The following ZNF385D variants were observed in gnomAD, a reference collection of about 807,000 sequenced individuals.
ZNF385D encodes the protein zinc finger protein 659.
ZNF385D carries 15 observed loss-of-function variants against 35.8 expected under a neutral mutation model. The observed-to-expected ratio is 0.42, with a 90% confidence interval of 0.28 to 0.64. The LOEUF is 0.64. Among genes scored for constraint, ZNF385D ranks in the 30% least tolerant of loss-of-function variants. The pLI is 0.23. For missense variants in ZNF385D, 474 were observed against 494.6 expected (o/e 0.96, Z 0.39); for synonymous variants, 212 against 186.8 (o/e 1.13, Z -1.10).
intron 2 of ZNF385D, among the ~76,000 whole-genome samples, chr3:21,625,814 T>A (rs2065119903): frequency 6.6e-6 from 1 of 152,116 alleles, no homozygotes; most frequent in Non-Finnish European, 1.5e-5. Context: ...ATCTACCACA[T>A]CAGACAAAAA....
intron 2 of ZNF385D, among the ~76,000 whole-genome samples, chr3:21,611,269 C>T (rs1407012917): frequency 1.3e-5 from 2 of 152,196 alleles, no homozygotes; most frequent in African/African-American, 4.8e-5. Context: ...CTGTCTGCCA[C>T]AGAGATATGT....
chr3:22,222,014 T>A (rs1698286375), intron 2 of ZNF385D, among the ~76,000 whole-genome samples: 1 of 151,986 alleles, frequency 6.6e-6, no homozygotes, highest in Non-Finnish European at 1.5e-5. Flanking sequence ...TCTCATTCCA[T>A]CGTCCAGGCT....
chr3:21,678,397 T>C (rs17009275), intron 1 of ZNF385D, among the ~76,000 whole-genome samples: 6,527 of 152,186 alleles, frequency 0.043, 189 homozygotes, highest in South Asian at 0.098. Flanking sequence ...CCAATGTGAC[T>C]GAATGCCTTG....
intron 3 of ZNF385D, among the ~76,000 whole-genome samples, chr3:22,146,011 G>A (rs561931787): frequency 1.3e-5 from 2 of 152,238 alleles, no homozygotes; most frequent in African/African-American, 4.8e-5. Context: ...AGTGAAAGAT[G>A]AGTGAAACAG....
intron 2 of ZNF385D, among the ~76,000 whole-genome samples, chr3:21,574,592 A>C (rs2125686694): frequency 6.6e-6 from 1 of 152,238 alleles, no homozygotes; most frequent in African/African-American, 2.4e-5. Context: ...GCTTCGAAAA[A>C]TCATTATCAT....
At chr3:21,543,313 C>G (rs1475530847) in intron 3 of ZNF385D, among the ~76,000 whole-genome samples, 1 of 152,192 alleles carries the variant, frequency 6.6e-6, no homozygotes. Context: ...GGGACTATCT[C>G]GGAAAACCGC....
Position 21,415,143 on chromosome 3 carries a change from C to T in ZNF385D, c.*6071G>A, listed in dbSNP as rs9815329. The T allele has an allele frequency of 1.3e-5, 2 of 151,906 alleles. No individual in the cohort carries two copies. Among genetic ancestry groups the T allele is most frequent in the African/African-American group, 4.8e-5 (2 of 41,368 alleles). The allele number at this position is 151,906 out of a possible 1,614,324, so 9.4% of individuals were successfully genotyped here. ...TGTTTCTCAATAGATTTATGTTGAACAATCCTATTAGTGAGAGACTTTAAA... is the reference window on the plus strand; with the variant it reads ...TGTTTCTCAATAGATTTATGTTGAATAATCCTATTAGTGAGAGACTTTAAA... On this transcript the variant is annotated 3_prime_UTR_variant, in exon 8 of 8. Coordinates refer to ENST00000281523, the MANE Select transcript of ZNF385D (RefSeq NM_024697.3).
chr3:21,941,490 CTTTTTT>C (rs531693623), intron 3 of ZNF385D, among the ~76,000 whole-genome samples: 17 of 63,622 alleles, frequency 2.7e-4, no homozygotes, highest in African/African-American at 6.1e-4. Flanking sequence ...TTCCATTACT[CTTTTTT>C]TTTTTTTTTT....
intron 2 of ZNF385D, among the ~76,000 whole-genome samples, chr3:22,328,268 T>A (rs550550367): frequency 6.6e-6 from 1 of 152,246 alleles, no homozygotes; most frequent in South Asian, 2.1e-4. Flanking sequence ...AGTCCTTTTT[T>A]TCTCCCCTTC....
rs150725154 is a variant in ZNF385D, at chr3:22,019,982, G to A, written c.325+148835C>T. ...ATAATGAAAAAAACAAGATAACTTCGTGTAATAAAATGACTGCATAAATGC... is the reference window on the plus strand; with the variant it reads ...ATAATGAAAAAAACAAGATAACTTCATGTAATAAAATGACTGCATAAATGC... On this transcript the variant is annotated intron_variant, in intron 3 of 5. Transcript: ENST00000494108. Among the ~76,000 whole-genome samples the A allele has an allele frequency of 5.6e-3, 847 of 151,704 alleles. 9 individuals carry two copies. Among genetic ancestry groups the A allele is most frequent in the African/African-American group, 0.019 (775 of 41,430 alleles).
At chr3:21,846,138 G>A (rs1296047229) in intron 3 of ZNF385D, among the ~76,000 whole-genome samples, 1 of 152,038 alleles carries the variant, frequency 6.6e-6, no homozygotes, top group East Asian at 1.9e-4. Flanking sequence ...AGTCTTTGCT[G>A]TGGAAAGATG....
chr3:22,175,409 T>C (rs1047425838), intron 2 of ZNF385D, among the ~76,000 whole-genome samples: 4 of 151,864 alleles, frequency 2.6e-5, no homozygotes, highest in African/African-American at 9.7e-5. Context: ...TTATCATAAG[T>C]GGATTTTAAA....
chr3:22,187,535 T>G (rs1695719303), intron 2 of ZNF385D, among the ~76,000 whole-genome samples: 1 of 152,080 alleles, frequency 6.6e-6, no homozygotes, highest in African/African-American at 2.4e-5. Context: ...AAATATTACA[T>G]AGATATTCCA....
intron 3 of ZNF385D, among the ~76,000 whole-genome samples, chr3:22,066,728 T>C (rs1421602875): frequency 6.6e-6 from 1 of 152,150 alleles, no homozygotes; most frequent in African/African-American, 2.4e-5. Flanking sequence ...AGATAAGTGA[T>C]GTGCACTTAG....
At chr3:21,767,232 G>C (rs574088712) in intron 3 of ZNF385D, among the ~76,000 whole-genome samples, 3 of 152,000 alleles carry the variant, frequency 2.0e-5, no homozygotes, top group Non-Finnish European at 4.4e-5. Context: ...CAAGACTGAA[G>C]CTATACATAC....
intron 2 of ZNF385D, among the ~76,000 whole-genome samples, chr3:22,295,795 G>C (rs529551054): frequency 4.6e-5 from 7 of 152,148 alleles, no homozygotes; most frequent in East Asian, 3.9e-4. Flanking sequence ...AGTAACAACT[G>C]ATAAACTATA....
At chr3:21,612,246 C>T (rs1164376186) in intron 2 of ZNF385D, among the ~76,000 whole-genome samples, 9 of 151,970 alleles carry the variant, frequency 5.9e-5, no homozygotes, top group South Asian at 2.1e-4. Context: ...CACCATGCCC[C>T]GCTAATTTTT....
At chr3:21,431,721 G>A (rs1701301999) in intron 5 of ZNF385D, among the ~76,000 whole-genome samples, 1 of 152,076 alleles carries the variant, frequency 6.6e-6, no homozygotes, top group Admixed American at 6.6e-5. Flanking sequence ...TGTGATAGAC[G>A]AGTCTCTATC....
At chr3:21,592,665 C>A (rs552672985) in intron 2 of ZNF385D, among the ~76,000 whole-genome samples, 1 of 152,018 alleles carries the variant, frequency 6.6e-6, no homozygotes, top group African/African-American at 2.4e-5. Context: ...GCTCAAACTC[C>A]CATTCTCAAA....
Sources: gnomAD v4.1 joint callset for allele counts (sites outside exome capture counted in the v4.1 genomes callset) on GRCh38, gnomAD v4.1.1 for gene constraint, MANE v1.5 for transcripts, NCBI Gene and HGNC (gene_info 2026-07-23, HGNC 2026-07-21) for gene names.